GALNT13: variants seen among roughly 807,000 people sequenced by gnomAD.
The protein encoded by GALNT13 is UDP-GalNAc:polypeptide N-acetylgalactosaminyltransferase 13.
Under a neutral mutation model 64.2 loss-of-function variants are expected in GALNT13, and 28 were observed. The ratio of observed to expected loss-of-function variants is 0.44; its 90% CI spans 0.32 to 0.60. The LOEUF (loss-of-function observed/expected upper bound fraction) is 0.60. GALNT13 is among the 20% of genes least tolerant of loss of function. The pLI is 0.05. For missense variants in GALNT13, 577 were observed against 669.8 expected (o/e 0.86, Z 1.53); for synonymous variants, 214 against 224.6 (o/e 0.95, Z 0.42).
At chr2:154,212,459 G>C (rs1032838329) in intron 4 of GALNT13, among the ~76,000 whole-genome samples, 3 of 151,996 alleles carry the variant, frequency 2.0e-5, no homozygotes, top group African/African-American at 7.2e-5. Context: ...TGTCAGGCTG[G>C]TCTCGAACTC....
chr2:154,017,330 T>G (rs569618271), intron 3 of GALNT13, among the ~76,000 whole-genome samples: 1 of 152,192 alleles, frequency 6.6e-6, no homozygotes, highest in Non-Finnish European at 1.5e-5. Flanking sequence ...TTCACATCCT[T>G]GTATGAGTAG....
chr2:154,161,313 T>C (rs1684711451), intron 4 of GALNT13, among the ~76,000 whole-genome samples: 1 of 152,190 alleles, frequency 6.6e-6, no homozygotes, highest in African/African-American at 2.4e-5. Context: ...GTATATTTCT[T>C]CATTTAAGAG....
chr2:153,718,406 C>A, the GALNT13 span, among the ~76,000 whole-genome samples: 54 of 150,574 alleles, frequency 3.6e-4, no homozygotes, highest in African/African-American at 1.3e-3. Flanking sequence ...CTGGGGTAAG[C>A]TTAAAGGGTT....
At chr2:153,767,444 C>A in the GALNT13 span, among the ~76,000 whole-genome samples, 6 of 151,976 alleles carry the variant, frequency 3.9e-5, no homozygotes, top group Admixed American at 3.3e-4. Context: ...ATAATTATTT[C>A]TCTTCTTTTA....
chr2:153,838,513 A>T, the GALNT13 span, among the ~76,000 whole-genome samples: 8 of 151,870 alleles, frequency 5.3e-5, no homozygotes, highest in African/African-American at 1.9e-4. Context: ...CATTGAAGGG[A>T]CGGCCCTTTC....
the GALNT13 span, among the ~76,000 whole-genome samples, chr2:153,289,792 C>T: frequency 6.6e-6 from 1 of 152,092 alleles, no homozygotes; most frequent in African/African-American, 2.4e-5. Flanking sequence ...TTTCTGGGGT[C>T]CAACTTAGCA....
chr2:154,012,717 G>A (rs189506385), intron 3 of GALNT13, among the ~76,000 whole-genome samples: 3 of 151,998 alleles, frequency 2.0e-5, no homozygotes, highest in Admixed American at 6.5e-5. Flanking sequence ...TATAGATTTG[G>A]TTTCTTCACA....
chr2:154,232,064 G>GAGAA (rs1688946442), intron 4 of GALNT13, among the ~76,000 whole-genome samples: 1 of 151,884 alleles, frequency 6.6e-6, no homozygotes, highest in Non-Finnish European at 1.5e-5. Flanking sequence ...GAGAGAGAGA[G>GAGAA]AGAAGCCCAG....
chr2:153,712,028 A>T, the GALNT13 span, among the ~76,000 whole-genome samples: 4 of 152,206 alleles, frequency 2.6e-5, no homozygotes, highest in African/African-American at 9.6e-5. Flanking sequence ...TGAAATAAAA[A>T]ATAAAATTGG....
At chr2:154,256,286 G>A (rs752434849) in intron 7 of GALNT13, among the ~76,000 whole-genome samples, 5 of 152,030 alleles carry the variant, frequency 3.3e-5, no homozygotes, top group Admixed American at 6.6e-5. Context: ...ATTGGAAATT[G>A]CAGAAAAGCA....
intron 9 of GALNT13, among the ~76,000 whole-genome samples, chr2:154,320,500 T>G (rs997412390): frequency 6.6e-6 from 1 of 152,174 alleles, no homozygotes; most frequent in Non-Finnish European, 1.5e-5. Flanking sequence ...TTATTTTTGT[T>G]AGGGGCTACA....
At chr2:153,334,398 T>A in the GALNT13 span, among the ~76,000 whole-genome samples, 2 of 152,214 alleles carry the variant, frequency 1.3e-5, no homozygotes, top group Non-Finnish European at 2.9e-5. Context: ...ACAACTGACT[T>A]ATTCCACTTG....
At chr2:153,643,203 C>G in the GALNT13 span, among the ~76,000 whole-genome samples, 3 of 150,634 alleles carry the variant, frequency 2.0e-5, no homozygotes, top group Non-Finnish European at 4.4e-5. Flanking sequence ...AGTGAATTCA[C>G]AAAGAAAAAA....
the GALNT13 span, among the ~76,000 whole-genome samples, chr2:153,847,234 T>G: frequency 6.6e-6 from 1 of 152,036 alleles, no homozygotes; most frequent in Non-Finnish European, 1.5e-5. Flanking sequence ...TATTACCTTC[T>G]CTTCAAATTA....
At chr2:154,391,750 G>A (rs1698803897) in intron 9 of GALNT13, among the ~76,000 whole-genome samples, 1 of 152,122 alleles carries the variant, frequency 6.6e-6, no homozygotes, top group Non-Finnish European at 1.5e-5. Context: ...ATATTATCAG[G>A]TAGGATACCT....
chr2:154,320,295 G>A (rs533135240), intron 9 of GALNT13, among the ~76,000 whole-genome samples: 14 of 152,110 alleles, frequency 9.2e-5, no homozygotes, highest in Non-Finnish European at 1.8e-4. Flanking sequence ...TTGGAAGTCA[G>A]TATTAAAGAG....
At chr2:153,988,600 A>G (rs564976985) in intron 3 of GALNT13, among the ~76,000 whole-genome samples, 1 of 152,104 alleles carries the variant, frequency 6.6e-6, no homozygotes, top group African/African-American at 2.4e-5. Context: ...ATCATGGACC[A>G]TAAGTTTTAA....
At chr2:153,932,601 C>CT (rs1162187798) in intron 2 of GALNT13, among the ~76,000 whole-genome samples, 1 of 138,724 alleles carries the variant, frequency 7.2e-6, no homozygotes, top group East Asian at 2.1e-4. Flanking sequence ...TCTTCTTTTT[C>CT]TTTTTTTTCT....
At chr2:153,080,507 T>G in the GALNT13 span, among the ~76,000 whole-genome samples, 1 of 152,124 alleles carries the variant, frequency 6.6e-6, no homozygotes, top group Non-Finnish European at 1.5e-5. Flanking sequence ...AGTGCTGTAT[T>G]AGTTCTAATT....
Sources: allele counts gnomAD v4.1 joint callset (sites outside exome capture counted in the v4.1 genomes callset), GRCh38; gene constraint gnomAD v4.1.1; transcripts MANE v1.5; gene names NCBI Gene and HGNC (gene_info 2026-07-23, HGNC 2026-07-21).